EMILIN2: variants seen among roughly 807,000 people sequenced by gnomAD.
EMILIN2 encodes the protein elastin microfibril interfacer 2.
Under a neutral mutation model 87.1 loss-of-function variants are expected in EMILIN2, and 71 were observed. That is an observed-to-expected ratio of 0.82 (90% confidence interval 0.67 to 0.99). The LOEUF (loss-of-function observed/expected upper bound fraction) is 0.99, where lower values mean the gene tolerates loss of function less well. EMILIN2 is among the 50% of genes least tolerant of loss of function. The pLI, the probability that EMILIN2 is intolerant of heterozygous loss-of-function variation, is 0.00. For missense variants in EMILIN2, 1,407 were observed against 1,371.8 expected (o/e 1.03, Z -0.40); for synonymous variants, 581 against 563.4 (o/e 1.03, Z -0.44).
chr18:2,913,522 T>C lies in EMILIN2; in HGVS notation c.*118T>C, dbSNP rs1056149167. On this transcript the variant is annotated 3_prime_UTR_variant, in exon 8 of 8. Coordinates refer to ENST00000254528, the MANE Select transcript of EMILIN2 (RefSeq NM_032048.3). ...TAGAGTTTCCACATAGGCCCCAACA[T>C]AAAGGCCTTCCCTCGCTGTTGAGGC... 31 of 807,720 alleles carry C rather than the reference T, an allele frequency of 3.8e-5. No individual in the cohort carries two copies. The highest frequency in any genetic ancestry group is 5.7e-5 in the Non-Finnish European group (30 of 527,160). The allele number at this position is 807,720 out of a possible 1,614,324, so 50.0% of individuals were successfully genotyped here. A position where few individuals can be genotyped will look rare whatever the true frequency, so the allele number is the denominator to read the frequency against.
chr18:2,885,266 G>T (rs2076798063), intron 3 of EMILIN2, 127 bp downstream of exon 3: 1 of 1,011,104 alleles, frequency 9.9e-7, no homozygotes. Context: ...ATAGATACCT[G>T]CAGTAGCCAC....
At position 2,882,587 on chromosome 18, in the gene EMILIN2, A is replaced by T. The variant is rs532180096; in HGVS notation, c.258-2377A>T. Among the ~76,000 whole-genome samples the T allele has an allele frequency of 1.3e-4, 20 of 152,180 alleles. No homozygotes were observed. In the East Asian group the frequency reaches 1.4e-3, roughly 10 times the overall value. On this transcript the variant is annotated intron_variant, in intron 2 of 7. Coordinates refer to ENST00000254528, the MANE Select transcript of EMILIN2 (RefSeq NM_032048.3). Reference sequence around the variant, plus strand: ...TAGTGAGACCCTATCTCTTAAAAAAATTTTTTTAAATTGGCTGGGCACAGT... The same window carrying T: ...TAGTGAGACCCTATCTCTTAAAAAATTTTTTTTAAATTGGCTGGGCACAGT...
In EMILIN2 at chr18:2,891,858, C is replaced by T. The variant is rs777392989; in HGVS notation, c.1731C>T (p.Arg577=). Residue 577 remains arginine, a synonymous_variant, in exon 4 of 8, where the codon CGC becomes CGT. Coordinates refer to ENST00000254528, the MANE Select transcript of EMILIN2 (RefSeq NM_032048.3). This position sits in a 1 kb window ranked among gnomAD's most constrained non-coding sequence, Gnocchi z 4.6. The part of the protein sequence containing the change: ...ALPNREDRAV[R]DSLHLLKSLN... ...CAAACAGGGAAGACCGCGCAGTACG[C>T]GACAGCCTGCACCTTTTGAAATCTC... 12 of 1,614,112 alleles carry T rather than the reference C, an allele frequency of 7.4e-6. No homozygotes were observed. Among genetic ancestry groups the T allele is most frequent in the African/African-American group, 4.0e-5 (3 of 74,944 alleles).
rs1010680838 is a variant in EMILIN2, at chr18:2,894,514, G to A, written c.2359+2028G>A. On this transcript the variant is annotated intron_variant, in intron 4 of 7. Coordinates refer to ENST00000254528, the MANE Select transcript of EMILIN2 (RefSeq NM_032048.3). The surrounding 1 kb of genome is among the most constrained non-coding windows in gnomAD (Gnocchi z 5.0). ...GTCCCTTGTGGTGACAACGCTGTCT[G>A]GTCTGTGTCTTACGATAACAGGTTG... is the stretch of plus-strand genomic sequence containing the variant. 1.3e-5 allele frequency among the ~76,000 whole-genome samples: 2 copies of A among 152,164 alleles called. No homozygotes were observed. Among genetic ancestry groups the A allele is most frequent in the African/African-American group, 2.4e-5 (1 of 41,446 alleles).
chr18:2,868,006 G>C (rs974630591), intron 2 of EMILIN2, among the ~76,000 whole-genome samples: 8 of 151,058 alleles, frequency 5.3e-5, no homozygotes, highest in Non-Finnish European at 7.4e-5. Flanking sequence ...CCTCCCGGAC[G>C]GGGTGGCTGC....
chr18:2,858,601 A>ATGTG (rs1555665474), intron 2 of EMILIN2, among the ~76,000 whole-genome samples: 24 of 103,602 alleles, frequency 2.3e-4, no homozygotes, highest in East Asian at 1.4e-3. Flanking sequence ...ATATATATAT[A>ATGTG]TGTGTATATA....
upstream of EMILIN2, chr18:2,846,687 G>C (rs1037191370): frequency 1.2e-5 from 11 of 925,426 alleles, no homozygotes; most frequent in East Asian, 4.7e-4. This position sits in a 1 kb window ranked among gnomAD's most constrained non-coding sequence, Gnocchi z 5.3. Context: ...ACGCGAGGAC[G>C]GCCAGACTCG....
chr18:2,888,043 G>T (rs777524877), intron 3 of EMILIN2, among the ~76,000 whole-genome samples: 2 of 152,120 alleles, frequency 1.3e-5, no homozygotes, highest in Non-Finnish European at 2.9e-5. Context: ...CTACTTAATG[G>T]CTTGAGAGAA....
chr18:2,857,336 C>G (rs2076632849), intron 2 of EMILIN2, among the ~76,000 whole-genome samples: 1 of 152,080 alleles, frequency 6.6e-6, no homozygotes, highest in South Asian at 2.1e-4. Flanking sequence ...TAATGCATGG[C>G]CTTCATTAGG....
chr18:2,889,868 A>G (rs1184356061), intron 3 of EMILIN2, among the ~76,000 whole-genome samples: 1 of 152,004 alleles, frequency 6.6e-6, no homozygotes, highest in African/African-American at 2.4e-5. Context: ...GAATCTTACT[A>G]TATATGGTCA....
chr18:2,864,041 T>A (rs1354500055), intron 2 of EMILIN2, among the ~76,000 whole-genome samples: 22 of 151,972 alleles, frequency 1.4e-4, no homozygotes, highest in Middle Eastern at 3.2e-3. Context: ...TAGGATTGCA[T>A]CCCCTGCCTT....
At chr18:2,853,159 G>A (rs930988354) in intron 2 of EMILIN2, among the ~76,000 whole-genome samples, 1 of 152,072 alleles carries the variant, frequency 6.6e-6, no homozygotes, top group Non-Finnish European at 1.5e-5. Context: ...TGGGTCTAAG[G>A]GTGGTTTTCC....
chr18:2,847,882 G>A lies in EMILIN2; in HGVS notation c.208G>A (p.Ala70Thr). 1 of 1,613,492 alleles carries A rather than the reference G, an allele frequency of 6.2e-7. No homozygotes were observed. The highest frequency in any genetic ancestry group is 8.5e-7 in the Non-Finnish European group (1 of 1,179,800). The part of the protein sequence containing the change: ...VLEGSESFIQ[A>T]QYNCAWNQMP... ...GGAGGGAAGTGAGAGTTTTATTCAGGCTCAGTACAACTGTGCCTGGAACCA... is the reference window on the plus strand; with the variant it reads ...GGAGGGAAGTGAGAGTTTTATTCAGACTCAGTACAACTGTGCCTGGAACCA... The change falls in exon 2 of 8, where the codon GCT (alanine) becomes ACT (threonine). Residue 70 changes from alanine (A) to threonine (T), a missense_variant. By Grantham distance (58) the Ala-to-Thr change is moderately conservative. Coordinates refer to ENST00000254528, the MANE Select transcript of EMILIN2 (RefSeq NM_032048.3). This position sits in a 1 kb window ranked among gnomAD's most constrained non-coding sequence, Gnocchi z 4.5.
chr18:2,891,011 G>A lies in EMILIN2; in HGVS notation c.884G>A (p.Arg295Lys). Residue 295 changes from arginine to lysine, a missense_variant, in exon 4 of 8, where the codon AGA (arginine) becomes AAA (lysine). Transcript: ENST00000254528. The surrounding 1 kb of genome is among the most constrained non-coding windows in gnomAD (Gnocchi z 4.6). ...GKVKGYEGQLRQLQEAAQGPT... is the reference protein window; with the variant it reads ...GKVKGYEGQLKQLQEAAQGPT... Reference sequence around the variant, plus strand: ...GTGAAGGGCTACGAAGGGCAGCTCAGACAGCTCCAGGAAGCAGCTCAGGGC... The same window carrying A: ...GTGAAGGGCTACGAAGGGCAGCTCAAACAGCTCCAGGAAGCAGCTCAGGGC... The A allele has an allele frequency of 6.2e-7, 1 of 1,614,202 alleles. No homozygotes were observed. Among genetic ancestry groups the A allele is most frequent in the Non-Finnish European group, 8.5e-7 (1 of 1,180,040 alleles).
At chr18:2,861,247 A>G (rs2076659714) in intron 2 of EMILIN2, among the ~76,000 whole-genome samples, 1 of 152,054 alleles carries the variant, frequency 6.6e-6, no homozygotes, top group African/African-American at 2.4e-5. Flanking sequence ...ATTAAATCCC[A>G]TTTGTCAATT....
Position 2,890,870 on chromosome 18 carries a change from G to C in EMILIN2, c.743G>C (p.Ser248Thr). Reference sequence around the variant, plus strand: ...AGTGGAGACACAGAAACGGGCCAGAGTCCTGGTGTCTTCAACACTAAGGAA... The same window carrying C: ...AGTGGAGACACAGAAACGGGCCAGACTCCTGGTGTCTTCAACACTAAGGAA... ...TVSGDTETGQ[S>T]PGVFNTKESG... is the part of the protein sequence containing the mutation. The change falls in exon 4 of 8, where the codon AGT (serine) becomes ACT (threonine). Residue 248 changes from serine to threonine, a missense_variant. Ser to Thr is a moderately conservative substitution (Grantham distance 58). Transcript: ENST00000254528. This position sits in a 1 kb window ranked among gnomAD's most constrained non-coding sequence, Gnocchi z 4.7. The C allele has an allele frequency of 6.2e-7, 1 of 1,613,888 alleles. No individual in the cohort carries two copies. The highest frequency in any genetic ancestry group is 8.5e-7 in the Non-Finnish European group (1 of 1,180,036).
In EMILIN2 at chr18:2,848,560, A is replaced by G. The variant is rs912145944; in HGVS notation, c.257+629A>G. Among the ~76,000 whole-genome samples, 3 of 151,232 alleles carry G rather than the reference A, an allele frequency of 2.0e-5. No homozygotes were observed. The highest frequency in any genetic ancestry group is 4.4e-5 in the Non-Finnish European group (3 of 67,950). On this transcript the variant is annotated intron_variant, in intron 2 of 7. Transcript: ENST00000254528. The surrounding 1 kb of genome is among the most constrained non-coding windows in gnomAD (Gnocchi z 4.1). The stretch of plus-strand genomic sequence containing the variant: ...CCGTTAAAGACAGGGGGAAGAATTA[A>G]TCATCTTTTTGCTTATAAAGATTTC...
At position 2,901,813 on chromosome 18, in the gene EMILIN2, G is replaced by A. The variant is rs567606549; in HGVS notation, c.2360-4970G>A. On this transcript the variant is annotated intron_variant, in intron 4 of 7. Transcript: ENST00000254528. Reference sequence around the variant, plus strand: ...GACTTGGTCATAAATGTGTGCGTTCGGCACCCCACGTGATGCTGTGGACTA... The same window carrying A: ...GACTTGGTCATAAATGTGTGCGTTCAGCACCCCACGTGATGCTGTGGACTA... 7.3e-4 allele frequency among the ~76,000 whole-genome samples: 111 copies of A among 152,300 alleles called. 2 individuals carry two copies. The highest frequency in any genetic ancestry group is 3.4e-3 in the Middle Eastern group (1 of 294).
At chr18:2,899,709 G>A (rs775454560) in intron 4 of EMILIN2, among the ~76,000 whole-genome samples, 24 of 152,022 alleles carry the variant, frequency 1.6e-4, no homozygotes, top group Non-Finnish European at 2.8e-4. Flanking sequence ...TCACCATGTT[G>A]GCCAGGCTGG....
Sources: allele counts gnomAD v4.1 joint callset (sites outside exome capture counted in the v4.1 genomes callset), GRCh38; gene constraint gnomAD v4.1.1; non-coding constraint Gnocchi (gnomAD v3.1); transcripts MANE v1.5; gene names NCBI Gene and HGNC (gene_info 2026-07-23, HGNC 2026-07-21).